PTPRN2: variants seen among roughly 807,000 people sequenced by gnomAD.
PTPRN2 encodes receptor-type tyrosine-protein phosphatase N2.
Under a neutral mutation model 118.8 loss-of-function variants are expected in PTPRN2, and 74 were observed. The ratio of observed to expected loss-of-function variants is 0.62; its 90% CI spans 0.52 to 0.76. PTPRN2 has a LOEUF of 0.76. Ranked by LOEUF, PTPRN2 falls within the 30% of genes least tolerant of loss-of-function variation. PTPRN2 has a pLI of 0.00. For synonymous variants in PTPRN2, 641 were observed against 608.0 expected, an observed-to-expected ratio of 1.05 and a Z score of -0.80; for missense variants, 1,481 against 1,394.4, an observed-to-expected ratio of 1.06 and a Z score of -0.99.
At chr7:157,574,472 G>T (rs781745723) in intron 19 of PTPRN2, 1 of 512,990 alleles carries the variant, frequency 1.9e-6, no homozygotes, top group African/African-American at 1.9e-5. Flanking sequence ...AGCAGCGTTA[G>T]TGAGCACCAT....
chr7:157,659,739 TTTTTTA>T lies in PTPRN2; in HGVS notation c.2002-3194_2002-3189del, dbSNP rs565633073. 4.4e-4 allele frequency among the ~76,000 whole-genome samples: 67 copies of T among 152,176 alleles called. 1 individual carries two copies. The East Asian group carries it at 9.7e-3, about 22-fold the overall frequency. ...AAACCCCACAAAGGATAATTCTTTA[TTTTTTA>T]TTTTTATTTTTATTTTTGATATGGA... On this transcript the variant is annotated intron_variant, in intron 13 of 22. Transcript: ENST00000389418.
intron 11 of PTPRN2, chr7:158,029,709 T>C (rs991677670): frequency 1.3e-5 from 2 of 150,870 alleles, no homozygotes; most frequent in African/African-American, 4.9e-5. Flanking sequence ...GCTCCGGCCC[T>C]GCCCATCCAC....
intron 3 of PTPRN2, among the ~76,000 whole-genome samples, chr7:158,233,967 G>T (rs996819665): frequency 2.0e-5 from 3 of 151,964 alleles, no homozygotes; most frequent in Non-Finnish European, 4.4e-5. Context: ...TACAAAAATC[G>T]AATCAAAATG....
At chr7:158,322,394 G>A (rs1305953638) in intron 2 of PTPRN2, among the ~76,000 whole-genome samples, 2 of 151,804 alleles carry the variant, frequency 1.3e-5, no homozygotes, top group African/African-American at 2.4e-5. Context: ...TCACCCAGCG[G>A]TCAGAGAACG....
intron 2 of PTPRN2, among the ~76,000 whole-genome samples, chr7:158,411,490 C>G (rs989649880): frequency 6.6e-6 from 1 of 152,196 alleles, no homozygotes; most frequent in Non-Finnish European, 1.5e-5. Flanking sequence ...ACTCACGGCT[C>G]ACCTCCTGGG....
chr7:158,436,784 A>G (rs889384706), intron 2 of PTPRN2, among the ~76,000 whole-genome samples: 1 of 152,146 alleles, frequency 6.6e-6, no homozygotes. Flanking sequence ...ATCAATAGAG[A>G]TTAATTTCCT....
intron 3 of PTPRN2, among the ~76,000 whole-genome samples, chr7:158,285,287 T>A (rs896769): frequency 0.96 from 145,807 of 152,268 alleles, 69,888 homozygotes; most frequent in African/African-American, 0.99. Flanking sequence ...CTGTGCTATG[T>A]AGGGACAGGA....
intron 12 of PTPRN2, among the ~76,000 whole-genome samples, chr7:157,851,276 CAAGAAT>C (rs1209738159): frequency 6.6e-6 from 1 of 152,176 alleles, no homozygotes; most frequent in Non-Finnish European, 1.5e-5. Flanking sequence ...TAAATAATAA[CAAGAAT>C]ATCAGCAGAG....
At chr7:158,479,871 A>T (rs1820537753) in intron 2 of PTPRN2, among the ~76,000 whole-genome samples, 1 of 152,264 alleles carries the variant, frequency 6.6e-6, no homozygotes, top group Admixed American at 6.5e-5. Flanking sequence ...AGTGGGCGTC[A>T]TCCTCGCTGC....
intron 12 of PTPRN2, among the ~76,000 whole-genome samples, chr7:157,723,888 G>A (rs1320828989): frequency 6.6e-6 from 1 of 152,210 alleles, no homozygotes; most frequent in Non-Finnish European, 1.5e-5. Flanking sequence ...TGCACACAAC[G>A]CTCAGAGCAG....
At position 158,563,690 on chromosome 7, in the gene PTPRN2, G is replaced by A. The variant is rs1169085994; in HGVS notation, c.112+23868C>T. Among the ~76,000 whole-genome samples the A allele has an allele frequency of 6.6e-6, 1 of 152,246 alleles. No homozygotes were observed. The highest frequency in any genetic ancestry group is 2.4e-5 in the African/African-American group (1 of 41,460). Reference sequence around the variant, plus strand: ...AGACTCACAGGCATGTGGCGTGGCAGTACATGAGCACTGATGTGTGAGGGG... The same window carrying A: ...AGACTCACAGGCATGTGGCGTGGCAATACATGAGCACTGATGTGTGAGGGG... On this transcript the variant is annotated intron_variant, in intron 1 of 22. Transcript: ENST00000389418. The surrounding 1 kb of genome is among the most constrained non-coding windows in gnomAD (Gnocchi z 5.1).
intron 11 of PTPRN2, among the ~76,000 whole-genome samples, chr7:157,927,749 C>T (rs986088670): frequency 6.6e-6 from 1 of 152,060 alleles, no homozygotes; most frequent in Admixed American, 6.6e-5. Flanking sequence ...AGCACAGGTG[C>T]TTTACCTCCA....
intron 2 of PTPRN2, among the ~76,000 whole-genome samples, chr7:158,411,697 A>G (rs1379710658): frequency 6.6e-6 from 1 of 152,224 alleles, no homozygotes; most frequent in African/African-American, 2.4e-5. Flanking sequence ...ATGGAGGTGG[A>G]AGGCGCCGCC....
At chr7:157,761,352 C>T (rs1388799433) in intron 12 of PTPRN2, among the ~76,000 whole-genome samples, 1 of 149,476 alleles carries the variant, frequency 6.7e-6, no homozygotes, top group Non-Finnish European at 1.5e-5. Flanking sequence ...TCAAACTATA[C>T]TACAAGGCTA....
intron 11 of PTPRN2, among the ~76,000 whole-genome samples, chr7:158,060,386 TCTCA>T (rs1365521236): frequency 6.6e-6 from 1 of 152,194 alleles, no homozygotes; most frequent in Non-Finnish European, 1.5e-5. Context: ...CCATCACAGG[TCTCA>T]CTGTCTCGCC....
At chr7:157,806,048 T>C (rs531116320) in intron 12 of PTPRN2, among the ~76,000 whole-genome samples, 18 of 152,292 alleles carry the variant, frequency 1.2e-4, no homozygotes, top group Non-Finnish European at 2.5e-4. Flanking sequence ...TGTGGGAAGA[T>C]GTGCACACAG....
chr7:157,683,033 A>G, intron 12 of PTPRN2, 96 bp from the exon 13 acceptor site: 2 of 1,115,394 alleles, frequency 1.8e-6, no homozygotes, highest in Non-Finnish European at 1.3e-6. Context: ...TGGAAAGCTC[A>G]GCCCCACAGG....
chr7:157,844,139 CATG>C (rs1269658547), intron 12 of PTPRN2, among the ~76,000 whole-genome samples: 5 of 151,590 alleles, frequency 3.3e-5, no homozygotes, highest in African/African-American at 1.2e-4. Context: ...CCCTCCACGT[CATG>C]GGTGTGGAAC....
At chr7:158,017,530 T>C (rs548657846) in intron 11 of PTPRN2, among the ~76,000 whole-genome samples, 16 of 152,262 alleles carry the variant, frequency 1.1e-4, no homozygotes, top group Non-Finnish European at 1.5e-5. Context: ...CTTTAAGGGG[T>C]GAGGTCAGCT....
Sources: allele counts gnomAD v4.1 joint callset (sites outside exome capture counted in the v4.1 genomes callset), GRCh38; gene constraint gnomAD v4.1.1; non-coding constraint Gnocchi (gnomAD v3.1); transcripts MANE v1.5; gene names NCBI Gene and HGNC (gene_info 2026-07-23, HGNC 2026-07-21).